The following ASIC2 variants were observed in gnomAD, a reference collection of about 807,000 sequenced individuals.
The protein encoded by ASIC2 is acid sensing ion channel subunit 2.
In ASIC2, 25 loss-of-function variants were observed where a neutral mutation model predicts 57.3. The ratio of observed to expected loss-of-function variants is 0.44; its 90% CI spans 0.32 to 0.61. The LOEUF (loss-of-function observed/expected upper bound fraction) is 0.61, where lower values mean the gene tolerates loss of function less well. Ranked by LOEUF, ASIC2 falls within the 20% of genes least tolerant of loss-of-function variation. The pLI, the probability that ASIC2 is intolerant of heterozygous loss-of-function variation, is 0.06. For synonymous variants in ASIC2, 319 were observed against 307.5 expected, an observed-to-expected ratio of 1.04 and a Z score of -0.39; for missense variants, 641 against 738.1, an observed-to-expected ratio of 0.87 and a Z score of 1.52.
intron 1 of ASIC2, among the ~76,000 whole-genome samples, chr17:33,561,750 A>T (rs1215727184): frequency 1.3e-5 from 2 of 152,234 alleles, no homozygotes; most frequent in Admixed American, 1.3e-4. Context: ...ATGTGCAAAT[A>T]TGGCAAGGAG....
chr17:33,099,595 G>C (rs1330206826), intron 2 of ASIC2, among the ~76,000 whole-genome samples: 1 of 152,160 alleles, frequency 6.6e-6, no homozygotes, highest in African/African-American at 2.4e-5. Flanking sequence ...ATTACCAAAA[G>C]ATTTATCTCA....
chr17:33,317,945 T>C (rs1287301460), intron 1 of ASIC2, among the ~76,000 whole-genome samples: 1 of 151,696 alleles, frequency 6.6e-6, no homozygotes, highest in Non-Finnish European at 1.5e-5. Context: ...TGTTTATATA[T>C]GAGCTTGTAG....
At chr17:33,711,491 G>A (rs539037165) in intron 1 of ASIC2, among the ~76,000 whole-genome samples, 1 of 152,120 alleles carries the variant, frequency 6.6e-6, no homozygotes, top group African/African-American at 2.4e-5. Flanking sequence ...CCCTGGGTCT[G>A]GTCAGTCTGT....
intron 1 of ASIC2, among the ~76,000 whole-genome samples, chr17:33,421,857 C>T (rs1346387873): frequency 2.0e-5 from 3 of 152,196 alleles, no homozygotes; most frequent in Non-Finnish European, 4.4e-5. Flanking sequence ...CCCTTGCCTA[C>T]CTTCCCAGTC....
chr17:33,674,571 T>C (rs1286995921), intron 1 of ASIC2, among the ~76,000 whole-genome samples: 2 of 152,262 alleles, frequency 1.3e-5, no homozygotes, highest in Non-Finnish European at 2.9e-5. Flanking sequence ...TTAAGTCTTG[T>C]GTCCCTATGA....
chr17:33,622,419 TGA>T (rs987614935), intron 1 of ASIC2, among the ~76,000 whole-genome samples: 1 of 152,060 alleles, frequency 6.6e-6, no homozygotes, highest in African/African-American at 2.4e-5. Flanking sequence ...AGACACTCAC[TGA>T]GAGAGAAAGA....
intron 1 of ASIC2, among the ~76,000 whole-genome samples, chr17:34,099,113 AGAGAGAGAGAGAG>A (rs1910660222): frequency 5.5e-5 from 2 of 36,138 alleles, no homozygotes; most frequent in Non-Finnish European, 1.3e-4. Context: ...AGAGAGAGAG[AGAGAGAGAGAGAG>A]AGAGAGAGAG....
chr17:34,093,369 G>A (rs1441959484), intron 1 of ASIC2, among the ~76,000 whole-genome samples: 2 of 152,070 alleles, frequency 1.3e-5, no homozygotes, highest in Non-Finnish European at 2.9e-5. Context: ...TTTGCCTTTG[G>A]GAACTTTCCC....
At chr17:34,016,247 A>G (rs1003770415) in intron 1 of ASIC2, among the ~76,000 whole-genome samples, 2 of 151,896 alleles carry the variant, frequency 1.3e-5, no homozygotes, top group South Asian at 2.1e-4. Flanking sequence ...ACACGGTGAA[A>G]CCCCGTCTTT....
intron 1 of ASIC2, among the ~76,000 whole-genome samples, chr17:33,333,830 G>T (rs563012453): frequency 6.6e-6 from 1 of 152,178 alleles, no homozygotes; most frequent in Non-Finnish European, 1.5e-5. Context: ...CTCCTGTCCC[G>T]CCAGGGACAG....
At chr17:33,950,500 C>A (rs187879649) in intron 1 of ASIC2, among the ~76,000 whole-genome samples, 2 of 152,230 alleles carry the variant, frequency 1.3e-5, no homozygotes, top group Non-Finnish European at 2.9e-5. Context: ...ACCCAAACGA[C>A]GGATCCCCCT....
In ASIC2 at chr17:33,612,142, G is replaced by A. The variant is rs9908646; in HGVS notation, c.556-500075C>T. On this transcript the variant is annotated intron_variant, in intron 1 of 9. Transcript: ENST00000359872. ...TCAGGCCTTCAATGGATTAAATGAGGCCCACCCACATTGCAGAGGGCAATC... is the reference window on the plus strand; with the variant it reads ...TCAGGCCTTCAATGGATTAAATGAGACCCACCCACATTGCAGAGGGCAATC... 2.0e-5 allele frequency among the ~76,000 whole-genome samples: 3 copies of A among 152,172 alleles called. No individual in the cohort carries two copies. The East Asian group carries it at 5.8e-4, about 29-fold the overall frequency.
At chr17:33,503,646 C>G (rs1352725215) in intron 1 of ASIC2, among the ~76,000 whole-genome samples, 2 of 152,152 alleles carry the variant, frequency 1.3e-5, no homozygotes, top group Non-Finnish European at 2.9e-5. Flanking sequence ...AAATCAAAAC[C>G]TCTTGGAGCT....
intron 1 of ASIC2, among the ~76,000 whole-genome samples, chr17:33,748,694 C>G (rs1167418686): frequency 2.0e-5 from 3 of 152,230 alleles, no homozygotes; most frequent in Non-Finnish European, 4.4e-5. Flanking sequence ...AGAATAGAAG[C>G]TGCCCTCATG....
At chr17:33,273,537 C>T (rs1201731665) in intron 1 of ASIC2, among the ~76,000 whole-genome samples, 1 of 152,138 alleles carries the variant, frequency 6.6e-6, no homozygotes, top group Non-Finnish European at 1.5e-5. Flanking sequence ...GTTCACTCAA[C>T]AACCACTGAA....
chr17:33,652,254 G>A (rs1906944199), intron 1 of ASIC2, among the ~76,000 whole-genome samples: 1 of 152,206 alleles, frequency 6.6e-6, no homozygotes, highest in African/African-American at 2.4e-5. Context: ...TCCAAAACAG[G>A]AGAGACAGGA....
intron 1 of ASIC2, among the ~76,000 whole-genome samples, chr17:34,074,919 G>A (rs1364892943): frequency 6.6e-6 from 1 of 151,458 alleles, no homozygotes; most frequent in Non-Finnish European, 1.5e-5. Flanking sequence ...CTGAGTAGTT[G>A]GGATTACAGG....
chr17:33,050,581 G>A (rs938022292), intron 3 of ASIC2, among the ~76,000 whole-genome samples: 1 of 152,186 alleles, frequency 6.6e-6, no homozygotes, highest in Non-Finnish European at 1.5e-5. Context: ...ACTACAAAAT[G>A]CTCAGATGTC....
chr17:33,342,134 T>C (rs139786762), intron 1 of ASIC2, among the ~76,000 whole-genome samples: 1 of 152,336 alleles, frequency 6.6e-6, no homozygotes, highest in African/African-American at 2.4e-5. Flanking sequence ...TAGTAGAAGA[T>C]GGCCTTAAAC....
Sources: allele counts gnomAD v4.1 joint callset (sites outside exome capture counted in the v4.1 genomes callset), GRCh38; gene constraint gnomAD v4.1.1; transcripts MANE v1.5; gene names NCBI Gene and HGNC (gene_info 2026-07-23, HGNC 2026-07-21).